Variants in C10orf71 observed in about 807,000 individuals in gnomAD.
C10orf71 encodes the protein chromosome 10 open reading frame 71.
For synonymous variants in C10orf71, 758 were observed against 726.3 expected, an observed-to-expected ratio of 1.04 and a Z score of -0.70; for missense variants, 1,869 against 1,804.5, an observed-to-expected ratio of 1.04 and a Z score of -0.65.
intron 1 of C10orf71, among the ~76,000 whole-genome samples, chr10:49,312,899 A>T (rs780660969): frequency 6.6e-6 from 1 of 152,360 alleles, no homozygotes; most frequent in Non-Finnish European, 1.5e-5. Flanking sequence ...TGATTATAGG[A>T]TTATAATTGA....
In C10orf71 at chr10:49,326,641, C is replaced by T. The variant is rs146154793; in HGVS notation, c.4096C>T (p.Arg1366Cys). The change falls in exon 3 of 3, where the codon CGT becomes TGT. Residue 1366 changes from arginine (R) to cysteine (C), a missense_variant. By Grantham distance (180) the Arg-to-Cys change is radical. Coordinates refer to ENST00000374144, the MANE Select transcript of C10orf71 (RefSeq NM_001135196.2). ...SAPTFLRQGP[R>C]ASAARARTQS... ...GCCCACCTTCCTCAGGCAGGGCCCT[C>T]GTGCCTCCGCGGCCCGCGCCAGGAC... The T allele has an allele frequency of 5.2e-6, 8 of 1,550,136 alleles. No individual in the cohort carries two copies. Among genetic ancestry groups the T allele is most frequent in the East Asian group, 2.4e-5 (1 of 40,894 alleles).
rs1397448255 is a variant in C10orf71, at chr10:49,319,778, C to CAT, written c.-144-2623_-144-2622insTA. The stretch of plus-strand genomic sequence containing the variant: ...TGTATATGTATATGTATATCACACA[C>CAT]ACACACACATATATAGTGGAATATT... On this transcript the variant is annotated intron_variant, in intron 2 of 2. Coordinates refer to ENST00000374144, the MANE Select transcript of C10orf71 (RefSeq NM_001135196.2). Among the ~76,000 whole-genome samples the CAT allele has an allele frequency of 5.2e-5, 7 of 133,426 alleles. 1 individual carries two copies. The highest frequency in any genetic ancestry group is 7.6e-5 in the Admixed American group (1 of 13,152). 87.5% of individuals were successfully genotyped at this position (133,426 alleles called of 152,430 possible). A position where few individuals can be genotyped will look rare whatever the true frequency, so the allele number is the denominator to read the frequency against.
In C10orf71 at chr10:49,325,968, T is replaced by C. The variant is rs1849232401; in HGVS notation, c.3423T>C (p.Gly1141=). Residue 1141 remains glycine (G), a synonymous_variant, in exon 3 of 3, where the codon GGT becomes GGC. Transcript: ENST00000374144. ...AEDLRTLSPR[G]SLLDVATSPA... ...ACCTCCGGACCCTCTCTCCAAGAGG[T>C]TCATTGCTGGATGTGGCCACCAGCC... is the stretch of plus-strand genomic sequence containing the variant. The C allele has an allele frequency of 6.4e-7, 1 of 1,551,392 alleles. No homozygotes were observed. Among genetic ancestry groups the C allele is most frequent in the African/African-American group, 1.4e-5 (1 of 72,984 alleles).
Position 49,324,365 on chromosome 10 carries a change from A to C in C10orf71, c.1820A>C (p.Glu607Ala). The change falls in exon 3 of 3, where the codon GAG becomes GCG. Residue 607 changes from glutamate (E) to alanine (A), a missense_variant. Coordinates refer to ENST00000374144, the MANE Select transcript of C10orf71 (RefSeq NM_001135196.2). ...IAKAPFYVNG[E>A]AAERSSYENK... is the part of the protein sequence containing the mutation. ...AAAGCCCCCTTCTATGTCAATGGGGAGGCTGCTGAGAGAAGCAGTTATGAG... is the reference window on the plus strand; with the variant it reads ...AAAGCCCCCTTCTATGTCAATGGGGCGGCTGCTGAGAGAAGCAGTTATGAG... The C allele has an allele frequency of 6.2e-7, 1 of 1,613,780 alleles. No individual in the cohort carries two copies. Among genetic ancestry groups the C allele is most frequent in the Non-Finnish European group, 8.5e-7 (1 of 1,179,842 alleles).
At position 49,324,940 on chromosome 10, in the gene C10orf71, G is replaced by A. The variant is rs1278689312; in HGVS notation, c.2395G>A (p.Ala799Thr). 6.4e-7 allele frequency: 1 copy of A among 1,550,902 alleles called. No individual in the cohort carries two copies. The highest frequency in any genetic ancestry group is 2.0e-5 in the Admixed American group (1 of 50,960). ...CCTGGAAAACCGCAGCCAGGGGGAA[G>A]CATTGCAAAGAGAAAGGGAAAGTGT... The part of the protein sequence containing the change: ...ACLENRSQGE[A>T]LQRERESVSG... Residue 799 changes from alanine (A) to threonine (T), a missense_variant, in exon 3 of 3, where the codon GCA (alanine) becomes ACA (threonine). Transcript: ENST00000374144.
chr10:49,323,457 G>A lies in C10orf71; in HGVS notation c.912G>A (p.Lys304=). 1 of 1,614,022 alleles carries A rather than the reference G, an allele frequency of 6.2e-7. No homozygotes were observed. The highest frequency in any genetic ancestry group is 2.2e-5 in the East Asian group (1 of 44,878). Residue 304 remains lysine (K), a synonymous_variant, in exon 3 of 3, where the codon AAG becomes AAA. Transcript: ENST00000374144. ...CCGTCCCAGAAAGCAAAGCTCCCAA[G>A]CACTATGGGGACACGACCTTGCTAA... is the stretch of plus-strand genomic sequence containing the variant. ...AGTVPESKAP[K]HYGDTTLLRE...
chr10:49,307,651 A>T (rs540991507), intron 1 of C10orf71, among the ~76,000 whole-genome samples: 1 of 151,980 alleles, frequency 6.6e-6, no homozygotes, highest in African/African-American at 2.4e-5. Flanking sequence ...CCTCGTCCCA[A>T]CTCTGCCTGG....
chr10:49,323,804 A>C lies in C10orf71; in HGVS notation c.1259A>C (p.Gln420Pro). The change falls in exon 3 of 3, where the codon CAG becomes CCG. Residue 420 changes from glutamine to proline, a missense_variant. Transcript: ENST00000374144. Reference sequence around the variant, plus strand: ...TATACAAAACACAACCCCCAGGAACAGTTTTCAGAAAACAATGCTCTTGAC... The same window carrying C: ...TATACAAAACACAACCCCCAGGAACCGTTTTCAGAAAACAATGCTCTTGAC... ...PLYTKHNPQE[Q>P]FSENNALDLP... 1 of 1,613,980 alleles carries C rather than the reference A, an allele frequency of 6.2e-7. No homozygotes were observed. The highest frequency in any genetic ancestry group is 8.5e-7 in the Non-Finnish European group (1 of 1,179,894).
At position 49,327,425 on chromosome 10, in the gene C10orf71, G is replaced by T. The variant is rs1165748726; in HGVS notation, c.*572G>T. On this transcript the variant is annotated 3_prime_UTR_variant, in exon 3 of 3. Coordinates refer to ENST00000374144, the MANE Select transcript of C10orf71 (RefSeq NM_001135196.2). ...CACAGGGAGAAACTTGCCTCTGAAA[G>T]CTATTTTCTGATCAAGAAAAGGCCC... is the stretch of plus-strand genomic sequence containing the variant. The T allele has an allele frequency of 1.7e-5, 3 of 172,360 alleles. No homozygotes were observed. The highest frequency in any genetic ancestry group is 6.2e-5 in the Admixed American group (1 of 16,094). 10.7% of individuals were successfully genotyped at this position (172,360 alleles called of 1,614,324 possible).
intron 2 of C10orf71, among the ~76,000 whole-genome samples, chr10:49,319,722 ATATATAT>A (rs2132425382): frequency 2.7e-5 from 1 of 36,774 alleles, no homozygotes; most frequent in African/African-American, 6.7e-5. Context: ...ATATATATAT[ATATATAT>A]ATATACACAT....
At position 49,326,984 on chromosome 10, in the gene C10orf71, C is replaced by A; in HGVS notation, c.*131C>A. On this transcript the variant is annotated 3_prime_UTR_variant, in exon 3 of 3. Transcript: ENST00000374144. Reference sequence around the variant, plus strand: ...ACACGATCATCAACACATACTTAGCCTTTTTAGATCCATAAAGTCCAGAAG... The same window carrying A: ...ACACGATCATCAACACATACTTAGCATTTTTAGATCCATAAAGTCCAGAAG... The A allele has an allele frequency of 6.4e-7, 1 of 1,572,962 alleles. No individual in the cohort carries two copies. The highest frequency in any genetic ancestry group is 8.6e-7 in the Non-Finnish European group (1 of 1,159,148).
rs749704649 is a variant in C10orf71, at chr10:49,322,916, G to A, written c.371G>A (p.Arg124Lys). ...AGCCCCCCACCAACGCCAGTCCAGA[G>A]GAGACTGGAGGTGCCAGTTTCCGGC... Reference protein sequence around the residue: ...KTSPPPTPVQRRLEVPVSGLR... With the variant: ...KTSPPPTPVQKRLEVPVSGLR... The change falls in exon 3 of 3, where the codon AGG becomes AAG. Residue 124 changes from arginine to lysine, a missense_variant. By Grantham distance (26) the Arg-to-Lys change is conservative. Coordinates refer to ENST00000374144, the MANE Select transcript of C10orf71 (RefSeq NM_001135196.2). 3 of 1,613,792 alleles carry A rather than the reference G, an allele frequency of 1.9e-6. No individual in the cohort carries two copies. The highest frequency in any genetic ancestry group is 2.7e-5 in the African/African-American group (2 of 74,896).
chr10:49,299,896 C>T (rs1056810007), intron 1 of C10orf71, among the ~76,000 whole-genome samples: 14 of 152,200 alleles, frequency 9.2e-5, no homozygotes, highest in Non-Finnish European at 1.8e-4. Flanking sequence ...GTGACTGAGA[C>T]GTTCTGGCCT....
chr10:49,324,955 A>G lies in C10orf71; in HGVS notation c.2410A>G (p.Arg804Gly), dbSNP rs1193346651. Residue 804 changes from arginine to glycine, a missense_variant, in exon 3 of 3, where the codon AGG becomes GGG. By Grantham distance (125) the Arg-to-Gly change is moderately radical (BLOSUM62 -2). Transcript: ENST00000374144. ...RSQGEALQRE[R>G]ESVSGGRTRK... ...CCAGGGGGAAGCATTGCAAAGAGAA[A>G]GGGAAAGTGTGTCTGGAGGAAGAAC... is the stretch of plus-strand genomic sequence containing the variant. The G allele has an allele frequency of 1.9e-6, 3 of 1,550,884 alleles. No homozygotes were observed. The highest frequency in any genetic ancestry group is 2.6e-6 in the Non-Finnish European group (3 of 1,146,468).
At chr10:49,320,212 G>A (rs1849071299) in intron 2 of C10orf71, among the ~76,000 whole-genome samples, 2 of 152,210 alleles carry the variant, frequency 1.3e-5, no homozygotes, top group African/African-American at 4.8e-5. Flanking sequence ...ATGTAGAGTT[G>A]GGCACAAGGG....
In C10orf71 at chr10:49,306,422, C is replaced by T. The variant is rs546429609; in HGVS notation, c.-248+7189C>T. Among the ~76,000 whole-genome samples, 4 of 152,380 alleles carry T rather than the reference C, an allele frequency of 2.6e-5. No individual in the cohort carries two copies. The South Asian group carries it at 8.3e-4, about 32-fold the overall frequency. On this transcript the variant is annotated intron_variant, in intron 1 of 2. Coordinates refer to ENST00000374144, the MANE Select transcript of C10orf71 (RefSeq NM_001135196.2). ...ACAGCACTTTAGAGCTGGGTCTCCG[C>T]TCTTCGCACTGCTGGTACTGCCTAT...
At position 49,323,478 on chromosome 10, in the gene C10orf71, G is replaced by A. The variant is rs1412059292; in HGVS notation, c.933G>A (p.Leu311=). 6.2e-7 allele frequency: 1 copy of A among 1,613,864 alleles called. No homozygotes were observed. Among genetic ancestry groups the A allele is most frequent in the Admixed American group, 1.7e-5 (1 of 60,028 alleles). Residue 311 remains leucine, a synonymous_variant, in exon 3 of 3, where the codon TTG becomes TTA. Coordinates refer to ENST00000374144, the MANE Select transcript of C10orf71 (RefSeq NM_001135196.2). ...CCAAGCACTATGGGGACACGACCTT[G>A]CTAAGAGAACCCTGTCCTCCTGAGC... The part of the protein sequence containing the change: ...KAPKHYGDTT[L]LREPCPPERT...
chr10:49,324,470 G>A lies in C10orf71; in HGVS notation c.1925G>A (p.Arg642Lys). 1.2e-6 allele frequency: 2 copies of A among 1,608,158 alleles called. No homozygotes were observed. Among genetic ancestry groups the A allele is most frequent in the Non-Finnish European group, 1.7e-6 (2 of 1,176,968 alleles). ...CCAGACTCCAGGGAACACCGCCCCA[G>A]GAAACACCTCTCCCTGAGGCTTTGC... ...WCPDSREHRP[R>K]KHLSLRLCNR... The change falls in exon 3 of 3, where the codon AGG (arginine) becomes AAG (lysine). Residue 642 changes from arginine to lysine, a missense_variant. Coordinates refer to ENST00000374144, the MANE Select transcript of C10orf71 (RefSeq NM_001135196.2).
At chr10:49,299,810 AG>A (rs1848694130) in intron 1 of C10orf71, among the ~76,000 whole-genome samples, 1 of 152,186 alleles carries the variant, frequency 6.6e-6, no homozygotes, top group Non-Finnish European at 1.5e-5. Context: ...TTCAGGGCTG[AG>A]GGAGGCTGGC....
Sources: allele counts gnomAD v4.1 joint callset (sites outside exome capture counted in the v4.1 genomes callset), GRCh38; gene constraint gnomAD v4.1.1; transcripts MANE v1.5; gene names NCBI Gene and HGNC (gene_info 2026-07-23, HGNC 2026-07-21).